Variants in FOXK1 observed in about 807,000 individuals in gnomAD.
FOXK1 encodes the protein forkhead box protein K1.
Under a neutral mutation model 51.9 loss-of-function variants are expected in FOXK1, and 19 were observed. The ratio of observed to expected loss-of-function variants is 0.37; its 90% CI spans 0.26 to 0.54. The LOEUF (loss-of-function observed/expected upper bound fraction) is 0.54, where lower values mean the gene tolerates loss of function less well. FOXK1 is among the 20% of genes least tolerant of loss of function. FOXK1 has a pLI of 0.87. For missense variants in FOXK1, 870 were observed against 1,032.7 expected (o/e 0.84, Z 2.16); for synonymous variants, 537 against 482.6 (o/e 1.11, Z -1.48).
chr7:4,713,505 T>C (rs1452040657), intron 1 of FOXK1, among the ~76,000 whole-genome samples: 1 of 152,130 alleles, frequency 6.6e-6, no homozygotes, highest in Non-Finnish European at 1.5e-5. Context: ...TTTTTGTTTT[T>C]TTTTTGAGGC....
In FOXK1 at chr7:4,759,167, G is replaced by A; in HGVS notation, c.1361G>A (p.Gly454Glu). Reference sequence around the variant, plus strand: ...CCCATTCCACACGACCCTGAGTTTGGGTCCAAGTTAGCTTCTGTCCCAGAG... The same window carrying A: ...CCCATTCCACACGACCCTGAGTTTGAGTCCAAGTTAGCTTCTGTCCCAGAG... ...GSPIPHDPEFGSKLASVPEYR... is the reference protein window; with the variant it reads ...GSPIPHDPEFESKLASVPEYR... Residue 454 changes from glycine to glutamate, a missense_variant, in exon 6 of 9, where the codon GGG becomes GAG. Gly to Glu is a moderately conservative substitution (Grantham distance 98). This residue lies in a region of FOXK1 where 457 missense variants were observed against 510.8 expected (regional missense o/e 0.89). Transcript: ENST00000328914. The A allele has an allele frequency of 6.2e-7, 1 of 1,612,842 alleles. No individual in the cohort carries two copies. Among genetic ancestry groups the A allele is most frequent in the South Asian group, 1.1e-5 (1 of 91,088 alleles).
In FOXK1 at chr7:4,682,460, G is replaced by GGCCGCC. The variant is rs1027159877; in HGVS notation, c.165_170dup (p.Pro58_Pro59dup). 16 of 982,550 alleles carry GGCCGCC rather than the reference G, an allele frequency of 1.6e-5. No homozygotes were observed. Among genetic ancestry groups the GGCCGCC allele is most frequent in the Non-Finnish European group, 1.9e-5 (16 of 830,192 alleles). The allele number at this position is 982,550 out of a possible 1,614,324, so 60.9% of individuals were successfully genotyped here. On this transcript the variant is annotated inframe_insertion, in exon 1 of 9. Transcript: ENST00000328914. This position sits in a 1 kb window ranked among gnomAD's most constrained non-coding sequence, Gnocchi z 7.6. ...CCCGCGCAGCCCCAGCCTCCGCCCG[G>GGCCGCC]GCCGCCGCCGCCGCCGCCACCGCCG...
chr7:4,756,691 G>A lies in FOXK1; in HGVS notation c.1051-303G>A, dbSNP rs1441851588. Among the ~76,000 whole-genome samples the A allele has an allele frequency of 6.6e-6, 1 of 151,882 alleles. No individual in the cohort carries two copies. Among genetic ancestry groups the A allele is most frequent in the Admixed American group, 6.6e-5 (1 of 15,264 alleles). On this transcript the variant is annotated intron_variant, in intron 4 of 8. Coordinates refer to ENST00000328914, the MANE Select transcript of FOXK1 (RefSeq NM_001037165.2). This position sits in a 1 kb window ranked among gnomAD's most constrained non-coding sequence, Gnocchi z 4.1. ...GAGGCAGGAGAATCCCTTGAACCCGGGAGGCGGAACTTGCAGTGAGCCGAG... is the reference window on the plus strand; with the variant it reads ...GAGGCAGGAGAATCCCTTGAACCCGAGAGGCGGAACTTGCAGTGAGCCGAG...
rs1187401797 is a variant in FOXK1, at chr7:4,730,099, T to A, written c.561-10739T>A. Among the ~76,000 whole-genome samples the A allele has an allele frequency of 1.3e-5, 2 of 152,238 alleles. No homozygotes were observed. The highest frequency in any genetic ancestry group is 2.4e-5 in the African/African-American group (1 of 41,466). On this transcript the variant is annotated intron_variant, in intron 1 of 8. Transcript: ENST00000328914. This position sits in a 1 kb window ranked among gnomAD's most constrained non-coding sequence, Gnocchi z 4.7. ...GACTCAGCATATGGGCTTGAGTATC[T>A]CGCTGTCTTTTCTTTTTCCAAATAG...
chr7:4,722,347 C>T lies in FOXK1; in HGVS notation c.561-18491C>T, dbSNP rs989160904. On this transcript the variant is annotated intron_variant, in intron 1 of 8. Coordinates refer to ENST00000328914, the MANE Select transcript of FOXK1 (RefSeq NM_001037165.2). The surrounding 1 kb of genome is among the most constrained non-coding windows in gnomAD (Gnocchi z 5.1). ...GTTTTACCCAGATTCCCATTGTTGC[C>T]TCTTATGTACTTTGGTCGTTCGTAT... Among the ~76,000 whole-genome samples, 1 of 152,232 alleles carries T rather than the reference C, an allele frequency of 6.6e-6. No homozygotes were observed.
chr7:4,751,651 A>G (rs1780779922), intron 2 of FOXK1, among the ~76,000 whole-genome samples: 2 of 152,236 alleles, frequency 1.3e-5, no homozygotes, highest in African/African-American at 2.4e-5. Context: ...TGCGGAGGAC[A>G]GTTGAATGGG....
Position 4,682,513 on chromosome 7 carries a change from G to A in FOXK1, c.205G>A (p.Gly69Ser), listed in dbSNP as rs1779764416. The A allele has an allele frequency of 9.3e-7, 1 of 1,072,196 alleles. No homozygotes were observed. The highest frequency in any genetic ancestry group is 5.4e-5 in the Admixed American group (1 of 18,586). The allele number at this position is 1,072,196 out of a possible 1,614,324, so 66.4% of individuals were successfully genotyped here. Residue 69 changes from glycine to serine, a missense_variant, in exon 1 of 9, where the codon GGC (glycine) becomes AGC (serine). Gly to Ser is a moderately conservative substitution (Grantham distance 56). Coordinates refer to ENST00000328914, the MANE Select transcript of FOXK1 (RefSeq NM_001037165.2). This position sits in a 1 kb window ranked among gnomAD's most constrained non-coding sequence, Gnocchi z 7.6. ...PLPPGAIAGA[G>S]SSGGSSGVSG... Reference sequence around the variant, plus strand: ...GCCTCCGGGCGCGATCGCGGGCGCGGGCTCCTCCGGGGGCTCCTCCGGGGT... The same window carrying A: ...GCCTCCGGGCGCGATCGCGGGCGCGAGCTCCTCCGGGGGCTCCTCCGGGGT...
chr7:4,692,710 G>A (rs1011470522), intron 1 of FOXK1, among the ~76,000 whole-genome samples: 7 of 151,928 alleles, frequency 4.6e-5, no homozygotes, highest in African/African-American at 9.7e-5. Flanking sequence ...CACCGCACCC[G>A]GCTGGGTAGT....
chr7:4,710,203 G>A (rs368980705), intron 1 of FOXK1, among the ~76,000 whole-genome samples: 14 of 152,160 alleles, frequency 9.2e-5, no homozygotes, highest in Admixed American at 6.6e-4. Flanking sequence ...TTCCTCAGTC[G>A]CAAACAACAC....
At chr7:4,705,824 C>G (rs372262550) in intron 1 of FOXK1, among the ~76,000 whole-genome samples, 1 of 150,990 alleles carries the variant, frequency 6.6e-6, no homozygotes, top group Non-Finnish European at 1.5e-5. Flanking sequence ...GTGTGAGCCA[C>G]TGCCCCGGCC....
chr7:4,754,435 TAC>T, intron 2 of FOXK1, 22 bp from the exon 3 acceptor site: 1 of 1,608,934 alleles, frequency 6.2e-7, no homozygotes, highest in African/African-American at 1.3e-5. Context: ...GCCATGAACT[TAC>T]AGTGTCCTTC....
At chr7:4,701,330 A>G (rs2115034970) in intron 1 of FOXK1, among the ~76,000 whole-genome samples, 1 of 152,338 alleles carries the variant, frequency 6.6e-6, no homozygotes, top group South Asian at 2.1e-4. Context: ...GAGACTGGCC[A>G]AAACTTAGGG....
chr7:4,706,473 T>C (rs57612968), intron 1 of FOXK1, among the ~76,000 whole-genome samples: 23,993 of 151,938 alleles, frequency 0.16, 4,746 homozygotes, highest in African/African-American at 0.47. Context: ...GGGGTGGGGC[T>C]GTGGATGCTG....
intron 1 of FOXK1, among the ~76,000 whole-genome samples, chr7:4,701,238 T>C (rs1350392998): frequency 6.6e-6 from 1 of 152,070 alleles, no homozygotes; most frequent in Non-Finnish European, 1.5e-5. Flanking sequence ...ATCTAGAGAA[T>C]GGGAGCTCAA....
At chr7:4,742,286 G>C (rs1431638499) in intron 2 of FOXK1, among the ~76,000 whole-genome samples, 1 of 152,246 alleles carries the variant, frequency 6.6e-6, no homozygotes, top group Non-Finnish European at 1.5e-5. Context: ...ATCTGTTGGA[G>C]CGAGCGCTGT....
intron 1 of FOXK1, among the ~76,000 whole-genome samples, chr7:4,701,618 C>T (rs1780022012): frequency 6.6e-6 from 1 of 152,242 alleles, no homozygotes; most frequent in Non-Finnish European, 1.5e-5. Flanking sequence ...AAAGGCCAGG[C>T]GCAGTGGCTC....
chr7:4,695,320 C>G (rs1019221500), intron 1 of FOXK1, among the ~76,000 whole-genome samples: 1 of 152,218 alleles, frequency 6.6e-6, no homozygotes, highest in Non-Finnish European at 1.5e-5. Context: ...CTAGAATATC[C>G]AGCTTCCTTT....
intron 1 of FOXK1, among the ~76,000 whole-genome samples, chr7:4,737,875 C>G (rs1780576229): frequency 6.6e-6 from 1 of 152,198 alleles, no homozygotes; most frequent in African/African-American, 2.4e-5. Context: ...GTAATCCCAG[C>G]ATTTTAGGAG....
chr7:4,725,730 C>G (rs1354045429), intron 1 of FOXK1, among the ~76,000 whole-genome samples: 1 of 152,256 alleles, frequency 6.6e-6, no homozygotes, highest in African/African-American at 2.4e-5. Flanking sequence ...TTCTCAATCT[C>G]CGTCAACTGC....
Sources: allele counts gnomAD v4.1 joint callset (sites outside exome capture counted in the v4.1 genomes callset), GRCh38; gene constraint gnomAD v4.1.1; regional missense constraint gnomAD v4.1.1; non-coding constraint Gnocchi (gnomAD v3.1); transcripts MANE v1.5; gene names NCBI Gene and HGNC (gene_info 2026-07-23, HGNC 2026-07-21).